The following TUBB4A variants were observed in gnomAD, a reference collection of about 807,000 sequenced individuals.
The protein encoded by TUBB4A is tubulin beta 4A class IVa, also known as tubulin beta-4A chain.
TUBB4A carries 13 observed loss-of-function variants against 35.1 expected under a neutral mutation model. The ratio of observed to expected loss-of-function variants is 0.37; its 90% CI spans 0.24 to 0.59. TUBB4A has a LOEUF of 0.59. Among genes scored for constraint, TUBB4A ranks in the 20% least tolerant of loss-of-function variants. The probability of loss-of-function intolerance (pLI) is 0.71; values close to 1 mark genes in which losing one functional copy is unlikely to be tolerated. For synonymous variants in TUBB4A, 279 were observed against 272.4 expected, an observed-to-expected ratio of 1.02 and a Z score of -0.24; for missense variants, 299 against 647.2, an observed-to-expected ratio of 0.46 and a Z score of 5.84.
chr19:6,497,025 ATATAT>A (rs1485391698), intron 3 of TUBB4A, among the ~76,000 whole-genome samples: 11 of 8,422 alleles, frequency 1.3e-3, no homozygotes, highest in African/African-American at 3.0e-3. Flanking sequence ...AAAAAAAAAA[ATATAT>A]ATATATATAT....
Position 6,501,148 on chromosome 19 carries a change from G to T in TUBB4A, c.277+139C>A. 10 of 658,094 alleles carry T rather than the reference G, an allele frequency of 1.5e-5. No homozygotes were observed. The highest frequency in any genetic ancestry group is 2.3e-5 in the Non-Finnish European group (9 of 383,698). 40.8% of individuals were successfully genotyped at this position (658,094 alleles called of 1,614,324 possible). The stretch of plus-strand genomic sequence containing the variant: ...GTGGCCTGAGCATCCCCTCATCACA[G>T]CCCTGGATGCAGGGCTGGTGCCTGG... On this transcript the variant is annotated intron_variant, in intron 3 of 3. Transcript: ENST00000264071. This position sits in a 1 kb window ranked among gnomAD's most constrained non-coding sequence, Gnocchi z 4.2.
chr19:6,498,981 C>G (rs966422980), intron 3 of TUBB4A, among the ~76,000 whole-genome samples: 1 of 152,072 alleles, frequency 6.6e-6, no homozygotes, highest in African/African-American at 2.4e-5. Flanking sequence ...ACAGTTGGGC[C>G]AAGAGATTCT....
rs1914034521 is a variant in TUBB4A, at chr19:6,494,739, A to G, written c.*425T>C. The G allele has an allele frequency of 9.1e-6, 2 of 218,664 alleles. No individual in the cohort carries two copies. The highest frequency in any genetic ancestry group is 1.0e-4 in the Admixed American group (2 of 19,274). 13.5% of individuals were successfully genotyped at this position (218,664 alleles called of 1,614,324 possible). A position where few individuals can be genotyped will look rare whatever the true frequency, so the allele number is the denominator to read the frequency against. On this transcript the variant is annotated 3_prime_UTR_variant, in exon 4 of 4. Transcript: ENST00000264071. The stretch of plus-strand genomic sequence containing the variant: ...GGGCTCAGGTGGGGGGTTAAAGGTG[A>G]GGCAAGGTCAGCGGTGAAGTGCAGC...
intron 3 of TUBB4A, among the ~76,000 whole-genome samples, chr19:6,498,055 GAAAA>G (rs1914342398): frequency 1.3e-5 from 2 of 151,260 alleles, no homozygotes; most frequent in East Asian, 3.9e-4. Context: ...ACTAAAAATA[GAAAA>G]AATTAGCTGG....
intron 3 of TUBB4A, among the ~76,000 whole-genome samples, chr19:6,497,025 ATATATATATATATATATATATAT>A (rs1383221517): frequency 9.5e-4 from 8 of 8,422 alleles, no homozygotes; most frequent in African/African-American, 3.9e-3. Context: ...AAAAAAAAAA[ATATATATATATATATATATATAT>A]ATATATATAT....
At position 6,495,683 on chromosome 19, in the gene TUBB4A, G is replaced by A. The variant is rs370829427; in HGVS notation, c.816C>T (p.Pro272=). Residue 272 remains proline, a synonymous_variant, in exon 4 of 4, where the codon CCC becomes CCT. Coordinates refer to ENST00000264071, the MANE Select transcript of TUBB4A (RefSeq NM_006087.4). This position sits in a 1 kb window ranked among gnomAD's most constrained non-coding sequence, Gnocchi z 8.7. ...ACTGCTGGCTGCCCCGGCTGGTCAG[G>A]GGTGCGAAGCCGGGCATGAAGAAGT... ...RLHFFMPGFA[P]LTSRGSQQYR... 1.2e-6 allele frequency: 2 copies of A among 1,614,072 alleles called. No homozygotes were observed. Among genetic ancestry groups the A allele is most frequent in the South Asian group, 2.2e-5 (2 of 91,088 alleles).
At position 6,501,227 on chromosome 19, in the gene TUBB4A, T is replaced by C. The variant is rs1352297809; in HGVS notation, c.277+60A>G. The C allele has an allele frequency of 1.4e-6, 2 of 1,435,224 alleles. No homozygotes were observed. Among genetic ancestry groups the C allele is most frequent in the Admixed American group, 1.8e-5 (1 of 54,928 alleles). 88.9% of individuals were successfully genotyped at this position (1,435,224 alleles called of 1,614,324 possible). On this transcript the variant is annotated intron_variant, in intron 3 of 3. Coordinates refer to ENST00000264071, the MANE Select transcript of TUBB4A (RefSeq NM_006087.4). This position sits in a 1 kb window ranked among gnomAD's most constrained non-coding sequence, Gnocchi z 4.2. Reference sequence around the variant, plus strand: ...GGGCCCCGGTGGTGGCTGTTGACTCTGTGGTGTTAGCAGGAATAAGGAGGT... The same window carrying C: ...GGGCCCCGGTGGTGGCTGTTGACTCCGTGGTGTTAGCAGGAATAAGGAGGT...
intron 3 of TUBB4A, among the ~76,000 whole-genome samples, chr19:6,497,172 A>C (rs1285802149): frequency 1.4e-5 from 2 of 148,142 alleles, no homozygotes; most frequent in Non-Finnish European, 3.0e-5. Context: ...AGCTATGATC[A>C]CACCATTGCA....
chr19:6,500,855 G>A (rs1229278404), intron 3 of TUBB4A: 1 of 162,352 alleles, frequency 6.2e-6, no homozygotes, highest in East Asian at 1.8e-4. Flanking sequence ...TATCTCCTTT[G>A]TGGCCTATCA....
rs537089821 is a variant in TUBB4A at position 6,495,185 on chromosome 19, C to T, written c.1314G>A (p.Glu438=). ...ATAEEGEFEE[E]AEEEVA ...CAGCCTAGGCCACCTCCTCCTCCGC[C>T]TCCTCCTCGAACTCGCCCTCCTCGG... The change falls in exon 4 of 4, where the codon GAG becomes GAA. Residue 438 remains glutamate (E), a synonymous_variant. Coordinates refer to ENST00000264071, the MANE Select transcript of TUBB4A (RefSeq NM_006087.4). This position sits in a 1 kb window ranked among gnomAD's most constrained non-coding sequence, Gnocchi z 8.7. 6.2e-7 allele frequency: 1 copy of T among 1,613,944 alleles called. No individual in the cohort carries two copies. Among genetic ancestry groups the T allele is most frequent in the Non-Finnish European group, 8.5e-7 (1 of 1,179,866 alleles).
chr19:6,497,252 ACAT>A (rs910215067), intron 3 of TUBB4A, among the ~76,000 whole-genome samples: 1 of 150,962 alleles, frequency 6.6e-6, no homozygotes, highest in Non-Finnish European at 1.5e-5. Context: ...TTAATATTTA[ACAT>A]CATTATTAAT....
chr19:6,497,314 T>C (rs1914296310), intron 3 of TUBB4A, among the ~76,000 whole-genome samples: 1 of 151,608 alleles, frequency 6.6e-6, no homozygotes, highest in Non-Finnish European at 1.5e-5. Flanking sequence ...CAGGCTGGAG[T>C]ACAGAGGTGC....
At position 6,502,152 on chromosome 19, in the gene TUBB4A, G is replaced by T; in HGVS notation, c.57+4C>A. 6.4e-7 allele frequency: 1 copy of T among 1,570,118 alleles called. No homozygotes were observed. Among genetic ancestry groups the T allele is most frequent in the Non-Finnish European group, 8.6e-7 (1 of 1,166,404 alleles). On this transcript the variant is annotated splice_donor_region_variant and intron_variant, in intron 1 of 3. Coordinates refer to ENST00000264071, the MANE Select transcript of TUBB4A (RefSeq NM_006087.4). ...TGCCTCCCCGGGCCCCGTTCCCCGAGCACCTTGGCCCCGATCTGGTTGCCG... is the reference window on the plus strand; with the variant it reads ...TGCCTCCCCGGGCCCCGTTCCCCGATCACCTTGGCCCCGATCTGGTTGCCG...
At chr19:6,500,163 C>T (rs1009713058) in intron 3 of TUBB4A, among the ~76,000 whole-genome samples, 7 of 152,054 alleles carry the variant, frequency 4.6e-5, no homozygotes, top group African/African-American at 9.7e-5. Flanking sequence ...GGGTCTCACA[C>T]CATCGCTCAG....
chr19:6,502,241 G>C lies in TUBB4A; in HGVS notation c.-29C>G. ...GGTGGCGCTGAGGGTGGACGCGGCG[G>C]CGGTGGCACGAGCGCGGGGAGCTGC... On this transcript the variant is annotated 5_prime_UTR_variant, in exon 1 of 4. Transcript: ENST00000264071. The C allele has an allele frequency of 6.6e-7, 1 of 1,506,240 alleles. No homozygotes were observed. 93.3% of individuals were successfully genotyped at this position (1,506,240 alleles called of 1,614,324 possible). A position where few individuals can be genotyped will look rare whatever the true frequency, so the allele number is the denominator to read the frequency against.
chr19:6,497,410 T>C (rs924957804), intron 3 of TUBB4A, among the ~76,000 whole-genome samples: 2 of 151,462 alleles, frequency 1.3e-5, no homozygotes, highest in East Asian at 4.0e-4. Context: ...TACAGGCTTA[T>C]GCTACCAGAT....
At position 6,495,141 on chromosome 19, in the gene TUBB4A, AG is replaced by A; in HGVS notation, c.*22del. On this transcript the variant is annotated 3_prime_UTR_variant, in exon 4 of 4. Transcript: ENST00000264071. The surrounding 1 kb of genome is among the most constrained non-coding windows in gnomAD (Gnocchi z 8.7). ...CAAAGGTCAGAAGCCTCGAGGGGAC[AG>A]GTGGGAAGCGATGGGAGCAGCCTAG... The A allele has an allele frequency of 6.2e-7, 1 of 1,611,480 alleles. No individual in the cohort carries two copies. The highest frequency in any genetic ancestry group is 8.5e-7 in the Non-Finnish European group (1 of 1,178,136).
In TUBB4A at chr19:6,495,401, G is replaced by T. The variant is rs1429857122; in HGVS notation, c.1098C>A (p.Thr366=). The change falls in exon 4 of 4, where the codon ACC becomes ACA. Residue 366 remains threonine (T), a synonymous_variant. Transcript: ENST00000264071. The surrounding 1 kb of genome is among the most constrained non-coding windows in gnomAD (Gnocchi z 8.7). ...IPPRGLKMAA[T]FIGNSTAIQE... ...GGATGGCCGTGCTGTTGCCGATGAAGGTCGCGGCCATCTTCAGGCCGCGGG... is the reference window on the plus strand; with the variant it reads ...GGATGGCCGTGCTGTTGCCGATGAATGTCGCGGCCATCTTCAGGCCGCGGG... The T allele has an allele frequency of 7.4e-6, 12 of 1,613,912 alleles. No homozygotes were observed. The highest frequency in any genetic ancestry group is 8.5e-6 in the Non-Finnish European group (10 of 1,180,022).
At chr19:6,502,542 C>A (rs995442859), upstream of TUBB4A, 5 of 293,856 alleles carry the variant, frequency 1.7e-5, no homozygotes, top group Non-Finnish European at 2.5e-5. Context: ...AGTGCAGTCT[C>A]CCCCGTCCCA....
Sources: gnomAD v4.1 joint callset for allele counts (sites outside exome capture counted in the v4.1 genomes callset) on GRCh38, gnomAD v4.1.1 for gene constraint, Gnocchi (gnomAD v3.1) non-coding constraint, MANE v1.5 for transcripts, NCBI Gene and HGNC (gene_info 2026-07-23, HGNC 2026-07-21) for gene names.